Variants in GHR observed in about 807,000 individuals in gnomAD.
The protein encoded by GHR is GH receptor.
Under a neutral mutation model 67.1 loss-of-function variants are expected in GHR, and 35 were observed. The observed-to-expected ratio is 0.52, with a 90% CI of 0.40 to 0.69. The LOEUF (loss-of-function observed/expected upper bound fraction) is 0.69. Among genes scored for constraint, GHR ranks in the 30% least tolerant of loss-of-function variants. GHR has a pLI of 0.00. For synonymous variants in GHR, 272 were observed against 269.1 expected, an observed-to-expected ratio of 1.01 and a Z score of -0.10; for missense variants, 792 against 764.6, an observed-to-expected ratio of 1.04 and a Z score of -0.42.
In GHR at chr5:42,668,333, G is replaced by A. The variant is rs148875012; in HGVS notation, c.137-20557G>A. On this transcript the variant is annotated intron_variant, in intron 3 of 9. Coordinates refer to ENST00000230882, the MANE Select transcript of GHR (RefSeq NM_000163.5). ...TGATTTTAATTATTTGTTGGGAATA[G>A]GGCACTATTGACATTTTGGACTAGA... Among the ~76,000 whole-genome samples the A allele has an allele frequency of 5.3e-3, 811 of 152,216 alleles. 3 individuals are homozygous for A. Among genetic ancestry groups the A allele is most frequent in the Non-Finnish European group, 7.5e-3 (508 of 68,014 alleles).
intron 1 of GHR, among the ~76,000 whole-genome samples, chr5:42,533,596 G>A (rs1748075279): frequency 1.3e-5 from 2 of 151,350 alleles, no homozygotes; most frequent in Non-Finnish European, 2.9e-5. Context: ...GTCAACCTTT[G>A]TTTCACCCGG....
chr5:42,462,251 T>C (rs889156875), intron 1 of GHR, among the ~76,000 whole-genome samples: 1 of 152,212 alleles, frequency 6.6e-6, no homozygotes, highest in Non-Finnish European at 1.5e-5. Flanking sequence ...CATAGCTCTG[T>C]TTCTGTCATT....
In GHR at chr5:42,465,755, G is replaced by T. The variant is rs997386809; in HGVS notation, c.-12+41800G>T. 4.4e-6 allele frequency: 4 copies of T among 903,150 alleles called. No individual in the cohort carries two copies. The African/African-American group carries it at 6.5e-5, about 15-fold the overall frequency. The allele number at this position is 903,150 out of a possible 1,614,324, so 55.9% of individuals were successfully genotyped here. A position where few individuals can be genotyped will look rare whatever the true frequency, so the allele number is the denominator to read the frequency against. ...CCTATCAAATTCACGTTTGCCACGA[G>T]AATCAAATCCATCTCCTTGGCCCAT... On this transcript the variant is annotated intron_variant, in intron 1 of 9. Transcript: ENST00000230882.
In GHR at chr5:42,666,200, T is replaced by C. The variant is rs544462368; in HGVS notation, c.137-22690T>C. ...TAAATAAGTTCTACTATCTTAACTA[T>C]CACTTTCAAATATAATGCAAGCTAC... On this transcript the variant is annotated intron_variant, in intron 3 of 9. Transcript: ENST00000230882. 3.2e-4 allele frequency among the ~76,000 whole-genome samples: 49 copies of C among 152,058 alleles called. 2 individuals are homozygous for C. Among genetic ancestry groups the C allele is most frequent in the Non-Finnish European group, 6.0e-4 (41 of 68,004 alleles).
chr5:42,428,563 A>C (rs1169906669), intron 1 of GHR, among the ~76,000 whole-genome samples: 1 of 152,152 alleles, frequency 6.6e-6, no homozygotes, highest in Non-Finnish European at 1.5e-5. Flanking sequence ...TGGCATCATC[A>C]GCTTGCACAT....
chr5:42,661,292 C>A (rs768484243), intron 3 of GHR, among the ~76,000 whole-genome samples: 1 of 152,110 alleles, frequency 6.6e-6, no homozygotes, highest in South Asian at 2.1e-4. Context: ...AGCTCCAAGA[C>A]ACATAATTGT....
At chr5:42,429,582 A>G (rs1743001635) in intron 1 of GHR, among the ~76,000 whole-genome samples, 1 of 152,362 alleles carries the variant, frequency 6.6e-6, no homozygotes, top group Middle Eastern at 3.4e-3. Flanking sequence ...TTTTCAGATT[A>G]TTAATCATCC....
intron 4 of GHR, among the ~76,000 whole-genome samples, chr5:42,694,566 T>C (rs757139857): frequency 1.3e-5 from 2 of 152,224 alleles, no homozygotes; most frequent in African/African-American, 2.4e-5. Context: ...TTCTCTGTAC[T>C]GTTTTAATGA....
chr5:42,716,161 T>G (rs1041321283), intron 8 of GHR, among the ~76,000 whole-genome samples: 1 of 99,944 alleles, frequency 1.0e-5, no homozygotes, highest in Non-Finnish European at 2.2e-5. Flanking sequence ...AATTTCGAGA[T>G]GCAGAATCAA....
At chr5:42,638,180 C>CT (rs537962954) in intron 3 of GHR, among the ~76,000 whole-genome samples, 214 of 150,530 alleles carry the variant, frequency 1.4e-3, no homozygotes, top group African/African-American at 4.9e-3. Context: ...ACCTCGTGAT[C>CT]TGCCCCCCTC....
In GHR at chr5:42,460,013, C is replaced by T. The variant is rs7726823; in HGVS notation, c.-12+36058C>T. On this transcript the variant is annotated intron_variant, in intron 1 of 9. Coordinates refer to ENST00000230882, the MANE Select transcript of GHR (RefSeq NM_000163.5). ...AATGTGGCTGAATTTGAGATTAGGG[C>T]CTGTGAGGAGCTGGTAAAAGTTAAA... is the stretch of plus-strand genomic sequence containing the variant. 2.2e-3 allele frequency among the ~76,000 whole-genome samples: 330 copies of T among 152,240 alleles called. 1 individual carries two copies. The highest frequency in any genetic ancestry group is 7.8e-3 in the African/African-American group (323 of 41,540).
intron 1 of GHR, among the ~76,000 whole-genome samples, chr5:42,477,677 T>C (rs1479084729): frequency 6.6e-6 from 1 of 152,234 alleles, no homozygotes; most frequent in East Asian, 1.9e-4. Flanking sequence ...TGCATAAATG[T>C]CTTCTTTTGA....
chr5:42,527,473 A>G (rs945937492), intron 1 of GHR, among the ~76,000 whole-genome samples: 4 of 152,248 alleles, frequency 2.6e-5, no homozygotes, highest in African/African-American at 9.6e-5. Flanking sequence ...GAAGGGCATT[A>G]CATAATGGTA....
Position 42,509,727 on chromosome 5 carries a change from C to CTT in GHR, c.-11-56122_-11-56121dup, listed in dbSNP as rs78991290. ...GACTTAGGAAGTGCAGGCCTCAAAC[C>CTT]TTTTTTTTTTTTTTTTACACGTCTA... On this transcript the variant is annotated intron_variant, in intron 1 of 9. Coordinates refer to ENST00000230882, the MANE Select transcript of GHR (RefSeq NM_000163.5). Among the ~76,000 whole-genome samples the CTT allele has an allele frequency of 2.4e-3, 340 of 140,926 alleles. 2 individuals are homozygous for CTT. Among genetic ancestry groups the CTT allele is most frequent in the African/African-American group, 8.4e-3 (323 of 38,472 alleles). The allele number at this position is 140,926 out of a possible 152,430, so 92.5% of individuals were successfully genotyped here.
At chr5:42,712,307 T>C (rs1433796458) in intron 7 of GHR, among the ~76,000 whole-genome samples, 1 of 152,144 alleles carries the variant, frequency 6.6e-6, no homozygotes, top group Non-Finnish European at 1.5e-5. Context: ...AACTATTTGA[T>C]ATTATGCAAT....
At chr5:42,433,581 C>G (rs1479761336) in intron 1 of GHR, among the ~76,000 whole-genome samples, 1 of 152,044 alleles carries the variant, frequency 6.6e-6, no homozygotes, top group East Asian at 1.9e-4. Flanking sequence ...GATTATGGAA[C>G]AGTCGATGAC....
chr5:42,573,385 T>A (rs1251809766), intron 2 of GHR, among the ~76,000 whole-genome samples: 4 of 152,070 alleles, frequency 2.6e-5, no homozygotes, highest in Non-Finnish European at 5.9e-5. Flanking sequence ...ACCACCAAGA[T>A]CAGAATTCTG....
In GHR at chr5:42,684,825, A is replaced by C. The variant is rs532489734; in HGVS notation, c.137-4065A>C. Among the ~76,000 whole-genome samples the C allele has an allele frequency of 7.8e-4, 119 of 152,314 alleles. 2 individuals carry two copies. In the South Asian group the frequency reaches 0.025, roughly 31 times the overall value. On this transcript the variant is annotated intron_variant, in intron 3 of 9. Coordinates refer to ENST00000230882, the MANE Select transcript of GHR (RefSeq NM_000163.5). Reference sequence around the variant, plus strand: ...ATCCCCAACCTGTGCTCCCAGGGCTAAAGACATATTTGCAACTCAGGATTT... The same window carrying C: ...ATCCCCAACCTGTGCTCCCAGGGCTCAAGACATATTTGCAACTCAGGATTT...
chr5:42,618,247 CAA>C (rs1216743892), intron 2 of GHR, among the ~76,000 whole-genome samples: 4 of 151,942 alleles, frequency 2.6e-5, no homozygotes, highest in African/African-American at 9.7e-5. Flanking sequence ...CCATGTTGGC[CAA>C]AAGAGAGTGT....
Sources: gnomAD v4.1 joint callset for allele counts (sites outside exome capture counted in the v4.1 genomes callset) on GRCh38, gnomAD v4.1.1 for gene constraint, MANE v1.5 for transcripts, NCBI Gene and HGNC (gene_info 2026-07-23, HGNC 2026-07-21) for gene names.